Variants in ADGRL3 observed in about 807,000 individuals in gnomAD.
ADGRL3 encodes the protein calcium-independent alpha-latrotoxin receptor 3.
A neutral mutation model predicts 153.5 loss-of-function variants in ADGRL3; 62 were observed. The ratio of observed to expected loss-of-function variants is 0.40; its 90% CI spans 0.33 to 0.50. The LOEUF is 0.50. Among genes scored for constraint, ADGRL3 ranks in the 20% least tolerant of loss-of-function variants. The probability of loss-of-function intolerance (pLI) is 0.47; values close to 1 mark genes in which losing one functional copy is unlikely to be tolerated. For synonymous variants in ADGRL3, 710 were observed against 672.5 expected (o/e 1.06, Z -0.86); for missense variants, 1,641 against 1,859.4 (o/e 0.88, Z 2.16).
intron 1 of ADGRL3, among the ~76,000 whole-genome samples, chr4:61,297,949 TTA>T (rs2094466368): frequency 2.0e-5 from 3 of 152,208 alleles, no homozygotes; most frequent in East Asian, 3.9e-4. Flanking sequence ...ATATAATACT[TTA>T]TTTTATTTTA....
At chr4:61,765,466 T>C (rs188094616) in intron 8 of ADGRL3, among the ~76,000 whole-genome samples, 69 of 152,216 alleles carry the variant, frequency 4.5e-4, no homozygotes, top group Admixed American at 1.8e-3. Flanking sequence ...GGTGTGTTTT[T>C]AAAAGACCTT....
chr4:62,070,130 G>A lies in ADGRL3; in HGVS notation c.3854G>A (p.Arg1285Lys). The stretch of plus-strand genomic sequence containing the variant: ...TCAGAGGGGCTTCTGAACAATGCCA[G>A]GGATACAAGTGTCATGGATACTCTA... ...RETKGLLNNA[R>K]DTSVMDTLPL... The change falls in exon 27 of 27, where the codon AGG (arginine) becomes AAG (lysine). Residue 1285 changes from arginine (R) to lysine (K), a missense_variant. Around this residue, in one of 5 missense-constraint regions of ADGRL3, gnomAD observed 517 missense variants for 555.0 expected, o/e 0.93. Transcript: ENST00000683033. 1 of 1,613,648 alleles carries A rather than the reference G, an allele frequency of 6.2e-7. No individual in the cohort carries two copies. The highest frequency in any genetic ancestry group is 8.5e-7 in the Non-Finnish European group (1 of 1,179,704).
chr4:61,491,460 G>A (rs1295365797), intron 2 of ADGRL3, among the ~76,000 whole-genome samples: 1 of 151,996 alleles, frequency 6.6e-6, no homozygotes, highest in Non-Finnish European at 1.5e-5. Flanking sequence ...AAGGTAGAGA[G>A]CTATGTGCAC....
intron 12 of ADGRL3, among the ~76,000 whole-genome samples, chr4:61,910,520 T>C (rs531315416): frequency 1.3e-5 from 2 of 151,284 alleles, no homozygotes; most frequent in East Asian, 3.9e-4. Context: ...TTTAACAAAA[T>C]ATCAGGTGGT....
intron 2 of ADGRL3, among the ~76,000 whole-genome samples, chr4:61,470,209 G>A (rs139254853): frequency 6.6e-6 from 1 of 152,008 alleles, no homozygotes; most frequent in East Asian, 1.9e-4. Flanking sequence ...ACCTTTACAT[G>A]TTTCTCAAGT....
intron 2 of ADGRL3, among the ~76,000 whole-genome samples, chr4:61,392,708 A>AAAAAAAAAAAT (rs1560565678): frequency 2.2e-5 from 2 of 92,738 alleles, no homozygotes; most frequent in Non-Finnish European, 2.4e-5. Flanking sequence ...AAAAAAAAAG[A>AAAAAAAAAAAT]AAAAGGAAAA....
chr4:61,648,742 C>A (rs2094138631), intron 5 of ADGRL3, among the ~76,000 whole-genome samples: 1 of 152,000 alleles, frequency 6.6e-6, no homozygotes, highest in South Asian at 2.1e-4. Context: ...TTAGTAGCTG[C>A]TGTGTGCCAG....
chr4:61,747,637 G>T lies in ADGRL3; in HGVS notation c.1399+14083G>T, dbSNP rs539961327. 2.8e-5 allele frequency among the ~76,000 whole-genome samples: 4 copies of T among 145,346 alleles called. No homozygotes were observed. The Admixed American group carries it at 2.8e-4, about 10-fold the overall frequency. ...GATTATCTCAATAGATGCAGAAAAG[G>T]CCTTTGACAAAATTCAACAACCCTT... On this transcript the variant is annotated intron_variant, in intron 8 of 26. Coordinates refer to ENST00000683033, the MANE Select transcript of ADGRL3 (RefSeq NM_001387552.1).
At chr4:61,224,109 G>T (rs191556060) in intron 1 of ADGRL3, among the ~76,000 whole-genome samples, 60 of 151,336 alleles carry the variant, frequency 4.0e-4, no homozygotes, top group Admixed American at 2.0e-3. Context: ...AATAATCTTC[G>T]TGTATACTGT....
intron 17 of ADGRL3, among the ~76,000 whole-genome samples, chr4:61,952,878 A>G (rs545935825): frequency 2.6e-5 from 4 of 152,326 alleles, no homozygotes; most frequent in South Asian, 2.1e-4. Flanking sequence ...CCATTGTATA[A>G]CAGTCATGAC....
At chr4:61,963,504 G>A (rs1235448504) in intron 17 of ADGRL3, among the ~76,000 whole-genome samples, 1 of 152,074 alleles carries the variant, frequency 6.6e-6, no homozygotes, top group African/African-American at 2.4e-5. Flanking sequence ...TTAAGAGAGA[G>A]CATGCAGTGT....
At chr4:61,935,383 T>C (rs1304955372) in intron 14 of ADGRL3, among the ~76,000 whole-genome samples, 1 of 152,164 alleles carries the variant, frequency 6.6e-6, no homozygotes, top group East Asian at 1.9e-4. Flanking sequence ...AATGAGAGTA[T>C]CTTTGAATTC....
intron 2 of ADGRL3, among the ~76,000 whole-genome samples, chr4:61,407,892 A>G (rs1560585328): frequency 6.6e-6 from 1 of 152,132 alleles, no homozygotes; most frequent in Non-Finnish European, 1.5e-5. Context: ...TCCTTTATAA[A>G]TCCTGAACTC....
At chr4:61,666,361 T>C (rs1361302044) in intron 5 of ADGRL3, among the ~76,000 whole-genome samples, 2 of 152,094 alleles carry the variant, frequency 1.3e-5, no homozygotes, top group Non-Finnish European at 2.9e-5. Context: ...TTTTCAAACA[T>C]ACATAAGTCA....
chr4:61,422,705 C>T (rs1036402208), intron 2 of ADGRL3, among the ~76,000 whole-genome samples: 8 of 151,874 alleles, frequency 5.3e-5, no homozygotes, highest in African/African-American at 1.9e-4. Context: ...AATATCTGTT[C>T]TATGAATGAA....
Position 61,973,492 on chromosome 4 carries a change from A to G in ADGRL3, c.2806-6071A>G, listed in dbSNP as rs147851946. Among the ~76,000 whole-genome samples, 1,030 of 152,280 alleles carry G rather than the reference A, an allele frequency of 6.8e-3. 5 individuals are homozygous for G. Among genetic ancestry groups the G allele is most frequent in the African/African-American group, 0.023 (976 of 41,566 alleles). On this transcript the variant is annotated intron_variant, in intron 17 of 26. Transcript: ENST00000683033. The stretch of plus-strand genomic sequence containing the variant: ...ATTTTACAAAATATTTGGCCTTTCA[A>G]ATATATGAATAGAAATTTCATAGAA...
chr4:61,963,973 A>G (rs1055924020), intron 17 of ADGRL3, among the ~76,000 whole-genome samples: 3 of 152,198 alleles, frequency 2.0e-5, no homozygotes, highest in African/African-American at 7.2e-5. Context: ...ACCTCTCATA[A>G]TAAGGATGAA....
chr4:61,948,346 C>T, intron 17 of ADGRL3, 70 bp downstream of exon 17: 2 of 1,084,678 alleles, frequency 1.8e-6, no homozygotes, highest in African/African-American at 1.6e-5. Flanking sequence ...ATAGTCCTAA[C>T]TATATGGGCT....
intron 5 of ADGRL3, among the ~76,000 whole-genome samples, chr4:61,619,856 T>G (rs1330967717): frequency 6.6e-6 from 1 of 152,158 alleles, no homozygotes; most frequent in Non-Finnish European, 1.5e-5. Context: ...GGAGGCAAAT[T>G]TAATTTCTGG....
Sources: allele counts gnomAD v4.1 joint callset (sites outside exome capture counted in the v4.1 genomes callset), GRCh38; gene constraint gnomAD v4.1.1; regional missense constraint gnomAD v4.1.1; transcripts MANE v1.5; gene names NCBI Gene and HGNC (gene_info 2026-07-23, HGNC 2026-07-21).